RGL1: variants seen among roughly 807,000 people sequenced by gnomAD.
The protein encoded by RGL1 is ral guanine nucleotide dissociation stimulator-like 1.
Under a neutral mutation model 95.2 loss-of-function variants are expected in RGL1, and 24 were observed. The observed-to-expected ratio is 0.25, with a 90% CI of 0.18 to 0.35. The LOEUF is 0.35. Ranked by LOEUF, RGL1 falls within the 10% of genes least tolerant of loss-of-function variation. The pLI is 1.00. For missense variants in RGL1, 715 were observed against 936.3 expected (o/e 0.76, Z 3.08); for synonymous variants, 329 against 344.9 (o/e 0.95, Z 0.51).
intron 2 of RGL1, among the ~76,000 whole-genome samples, chr1:183,791,929 T>C (rs1349148191): frequency 1.3e-5 from 2 of 152,212 alleles, no homozygotes; most frequent in Non-Finnish European, 2.9e-5. Flanking sequence ...ATAAGAATCA[T>C]GTGAATTCAT....
intron 16 of RGL1, among the ~76,000 whole-genome samples, chr1:183,921,957 A>G (rs1669329280): frequency 1.3e-5 from 2 of 152,214 alleles, no homozygotes; most frequent in Non-Finnish European, 2.9e-5. Flanking sequence ...TGGAGGAGAT[A>G]GGCAAGGAAA....
chr1:183,900,183 A>T lies in RGL1; in HGVS notation c.1264A>T (p.Thr422Ser). 6.2e-7 allele frequency: 1 copy of T among 1,613,848 alleles called. No individual in the cohort carries two copies. The highest frequency in any genetic ancestry group is 8.5e-7 in the Non-Finnish European group (1 of 1,179,830). The change falls in exon 11 of 18, where the codon ACC (threonine) becomes TCC (serine). Residue 422 changes from threonine to serine, a missense_variant. Around this residue, in one of 3 missense-constraint regions of RGL1, gnomAD observed 4 missense variants for 22.0 expected, o/e 0.18. Transcript: ENST00000360851. ...GCAGGGAACTGTGCCCTACCTGGGC[A>T]CCTTCCTGACTGACCTGACCATGCT... is the stretch of plus-strand genomic sequence containing the variant. ...VMQGTVPYLGTFLTDLTMLDT... is the reference protein window; with the variant it reads ...VMQGTVPYLGSFLTDLTMLDT...
intron 1 of RGL1, among the ~76,000 whole-genome samples, chr1:183,695,320 C>A (rs937764049): frequency 1.3e-5 from 2 of 152,226 alleles, no homozygotes; most frequent in Admixed American, 6.5e-5. Context: ...CAACATCTCA[C>A]ATTTTCTAAT....
chr1:183,780,590 GA>G (rs1017820411), intron 2 of RGL1, among the ~76,000 whole-genome samples: 1 of 151,872 alleles, frequency 6.6e-6, no homozygotes, highest in Non-Finnish European at 1.5e-5. Context: ...CATCAGGTAG[GA>G]AAAAAAATGT....
intron 1 of RGL1, among the ~76,000 whole-genome samples, chr1:183,649,581 G>T (rs887271633): frequency 4.6e-5 from 7 of 152,114 alleles, no homozygotes; most frequent in Non-Finnish European, 1.0e-4. Context: ...GTATTCTTTG[G>T]ATTGTGGACA....
At chr1:183,866,409 G>C (rs1665841625) in intron 4 of RGL1, among the ~76,000 whole-genome samples, 2 of 152,204 alleles carry the variant, frequency 1.3e-5, no homozygotes, top group African/African-American at 4.8e-5. Flanking sequence ...AATGAAGCAG[G>C]GTCTGAGGGC....
chr1:183,923,272 A>G (rs1033913056), intron 17 of RGL1, among the ~76,000 whole-genome samples: 1 of 152,126 alleles, frequency 6.6e-6, no homozygotes, highest in East Asian at 1.9e-4. Flanking sequence ...CCAGGGCTCT[A>G]TTGCTGGTTT....
intron 1 of RGL1, among the ~76,000 whole-genome samples, chr1:183,739,569 T>G (rs541757071): frequency 2.0e-5 from 3 of 152,348 alleles, no homozygotes; most frequent in African/African-American, 7.2e-5. Context: ...GTGGCTGGTA[T>G]GCAGTGGAAG....
chr1:183,876,931 G>T (rs1232580896), intron 4 of RGL1, among the ~76,000 whole-genome samples: 1 of 152,186 alleles, frequency 6.6e-6, no homozygotes, highest in African/African-American at 2.4e-5. Flanking sequence ...GCAAGTAGTT[G>T]TAAGACTGTT....
intron 3 of RGL1, among the ~76,000 whole-genome samples, chr1:183,855,422 A>G (rs2102560873): frequency 6.6e-6 from 1 of 152,352 alleles, no homozygotes; most frequent in East Asian, 1.9e-4. Context: ...GCTTTTTGTT[A>G]AACCTCACTT....
chr1:183,865,267 A>C (rs1162721485), intron 3 of RGL1, among the ~76,000 whole-genome samples: 1 of 152,132 alleles, frequency 6.6e-6, no homozygotes, highest in Non-Finnish European at 1.5e-5. Context: ...TATTGAGTAA[A>C]TTTTGAGTTG....
intron 2 of RGL1, among the ~76,000 whole-genome samples, chr1:183,742,734 AAGAG>A (rs773534559): frequency 3.3e-5 from 5 of 151,782 alleles, no homozygotes; most frequent in African/African-American, 9.7e-5. Flanking sequence ...GAGAGAGAGA[AAGAG>A]AGAGAGGGGA....
chr1:183,901,075 C>T (rs555193732), intron 11 of RGL1, among the ~76,000 whole-genome samples: 1 of 150,902 alleles, frequency 6.6e-6, no homozygotes, highest in South Asian at 2.1e-4. Flanking sequence ...CTGAGACAGG[C>T]AGATCATGAG....
chr1:183,844,879 G>A (rs1471137277), intron 2 of RGL1, among the ~76,000 whole-genome samples: 1 of 152,178 alleles, frequency 6.6e-6, no homozygotes, highest in Admixed American at 6.6e-5. Flanking sequence ...AAGAGATAAA[G>A]CCATCTACCA....
In RGL1 at chr1:183,856,745, G is replaced by C. The variant is rs377025095; in HGVS notation, c.347+8971G>C. Among the ~76,000 whole-genome samples the C allele has an allele frequency of 3.8e-4, 57 of 151,776 alleles. No homozygotes were observed. The East Asian group carries it at 9.1e-3, about 24-fold the overall frequency. On this transcript the variant is annotated intron_variant, in intron 3 of 17. Coordinates refer to ENST00000360851, the MANE Select transcript of RGL1 (RefSeq NM_001297671.3). ...CAACTATGAGAAACATGACACTATT[G>C]GTTGGTAGAAGAGAAAAGAGGATTG... is the stretch of plus-strand genomic sequence containing the variant.
intron 5 of RGL1, among the ~76,000 whole-genome samples, chr1:183,881,688 C>T (rs959878144): frequency 3.3e-5 from 5 of 152,186 alleles, no homozygotes; most frequent in Non-Finnish European, 7.3e-5. Flanking sequence ...TGCATCAGCT[C>T]CAAAGAAAAT....
chr1:183,891,273 T>C (rs187046717), intron 8 of RGL1, among the ~76,000 whole-genome samples: 1 of 152,270 alleles, frequency 6.6e-6, no homozygotes. Flanking sequence ...TTCAGAATCA[T>C]GCACTCATTA....
chr1:183,905,939 C>T (rs1329659806), intron 13 of RGL1, among the ~76,000 whole-genome samples: 5 of 152,140 alleles, frequency 3.3e-5, no homozygotes, highest in Admixed American at 6.5e-5. Context: ...TGGTTGCTTT[C>T]ATGCTGTAAA....
chr1:183,725,242 C>A (rs1198575418), intron 1 of RGL1, among the ~76,000 whole-genome samples: 1 of 152,138 alleles, frequency 6.6e-6, no homozygotes, highest in Admixed American at 6.5e-5. Context: ...ACCTGGTAAG[C>A]TTTCCCAGGA....
Sources: allele counts gnomAD v4.1 joint callset (sites outside exome capture counted in the v4.1 genomes callset), GRCh38; gene constraint gnomAD v4.1.1; regional missense constraint gnomAD v4.1.1; transcripts MANE v1.5; gene names NCBI Gene and HGNC (gene_info 2026-07-23, HGNC 2026-07-21).